Variants in REV1 observed in about 807,000 individuals in gnomAD.
REV1 encodes translesion synthesis protein REV1.
A neutral mutation model predicts 137.4 loss-of-function variants in REV1; 42 were observed. That is an observed-to-expected ratio of 0.31 (90% CI 0.24 to 0.40). REV1 has a LOEUF of 0.40. Among genes scored for constraint, REV1 ranks in the 10% least tolerant of loss-of-function variants. REV1 has a pLI of 1.00. For synonymous variants in REV1, 524 were observed against 519.2 expected (o/e 1.01, Z -0.12); for missense variants, 1,282 against 1,490.1 (o/e 0.86, Z 2.30).
Position 99,402,270 on chromosome 2 carries a change from C to G in REV1, c.3618G>C (p.Leu1206=). ...DLIEEKDLEK[L]DLVIKYMKRL... is the part of the protein sequence containing the mutation. The stretch of plus-strand genomic sequence containing the variant: ...TTTTCATGTATTTTATAACTAGATC[C>G]AGTTTTTCCAAATCTTTTTCTTCTA... Residue 1206 remains leucine (L), a synonymous_variant, in exon 22 of 23, where the codon CTG becomes CTC. Transcript: ENST00000258428. 1 of 1,428,710 alleles carries G rather than the reference C, an allele frequency of 7.0e-7. No individual in the cohort carries two copies. The highest frequency in any genetic ancestry group is 1.4e-5 in the African/African-American group (1 of 70,412). 88.5% of individuals were successfully genotyped at this position (1,428,710 alleles called of 1,614,324 possible). A position where few individuals can be genotyped will look rare whatever the true frequency, so the allele number is the denominator to read the frequency against.
chr2:99,434,120 A>C (rs1286752044), intron 8 of REV1, among the ~76,000 whole-genome samples: 1 of 152,220 alleles, frequency 6.6e-6, no homozygotes, highest in Admixed American at 6.5e-5. Context: ...AAAGCAAATC[A>C]ATCATATCTT....
chr2:99,401,340 T>A lies in REV1; in HGVS notation c.3657A>T (p.Gln1219His). The A allele has an allele frequency of 1.2e-6, 2 of 1,612,606 alleles. No individual in the cohort carries two copies. The highest frequency in any genetic ancestry group is 1.7e-6 in the Non-Finnish European group (2 of 1,178,832). ...VIKYMKRLMQ[Q>H]SVESVWNMAF... is the part of the protein sequence containing the mutation. Reference sequence around the variant, plus strand: ...CCATATTCCAAACCGATTCCACCGATTGCTGCATCAGCCTAAAGGTGGGGA... The same window carrying A: ...CCATATTCCAAACCGATTCCACCGAATGCTGCATCAGCCTAAAGGTGGGGA... The change falls in exon 23 of 23, where the codon CAA (glutamine) becomes CAT (histidine). Residue 1219 changes from glutamine (Q) to histidine (H), a missense_variant. By Grantham distance (24) the Gln-to-His change is conservative. Around this residue, in one of 7 missense-constraint regions of REV1, gnomAD observed 43 missense variants for 79.1 expected, o/e 0.54. Transcript: ENST00000258428.
At chr2:99,433,005 C>A (rs531995810) in intron 8 of REV1, among the ~76,000 whole-genome samples, 1 of 152,292 alleles carries the variant, frequency 6.6e-6, no homozygotes, top group East Asian at 1.9e-4. Flanking sequence ...CAGAGAGACT[C>A]TGAGCACTGA....
In REV1 at chr2:99,406,021, G is replaced by GA. The variant is rs751337675; in HGVS notation, c.2699_2700insT (p.Ser901GlnfsTer3). On this transcript the variant is annotated frameshift_variant, in exon 17 of 23. Transcript: ENST00000258428. LOFTEE classifies it high-confidence loss of function. ...ACTCAGCCTTGTTAGTATCAGGACT[G>GA]GTCGGCAGATGTGCAGGAAAAGGTG... 8 of 1,613,876 alleles carry GA rather than the reference G, an allele frequency of 5.0e-6. No individual in the cohort carries two copies. The East Asian group carries it at 1.8e-4, about 36-fold the overall frequency.
At chr2:99,470,807 C>G (rs1038474368) in intron 1 of REV1, among the ~76,000 whole-genome samples, 4 of 152,294 alleles carry the variant, frequency 2.6e-5, no homozygotes, top group African/African-American at 9.6e-5. Context: ...ATAAATGACC[C>G]GGTCTCCTTT....
intron 19 of REV1, 187 bp downstream of exon 19, chr2:99,403,508 C>T: frequency 1.3e-6 from 1 of 765,756 alleles, no homozygotes; most frequent in Non-Finnish European, 2.0e-6. Context: ...CCTGAAAGTA[C>T]AGACACAAAT....
rs28382971 is a variant in REV1 at position 99,402,967 on chromosome 2, C to T, written c.3306G>A (p.Leu1102=). 218 of 1,614,212 alleles carry T rather than the reference C, an allele frequency of 1.4e-4. 1 individual carries two copies. Among genetic ancestry groups the T allele is most frequent in the Non-Finnish European group, 1.8e-4 (207 of 1,180,034 alleles). ...NKLLNSPAKT[L]PGACGSPQKL... ...TCTGGGGACTGCCACAGGCCCCTGG[C>T]AGAGTTTTTGCAGGACTGTTAAGCA... Residue 1102 remains leucine (L), a synonymous_variant, in exon 20 of 23, where the codon CTG becomes CTA. Coordinates refer to ENST00000258428, the MANE Select transcript of REV1 (RefSeq NM_016316.4).
Position 99,435,817 on chromosome 2 carries a change from TAAGC to T in REV1, c.1321+13_1321+16del. On this transcript the variant is annotated intron_variant, in intron 7 of 22. Transcript: ENST00000258428. ...ACAATATATCAGTTTTCTTAAAACA[TAAGC>T]AAGAATACAGACCTTTGAGATCTGG... 1 of 1,280,642 alleles carries T rather than the reference TAAGC, an allele frequency of 7.8e-7. No homozygotes were observed. Among genetic ancestry groups the T allele is most frequent in the Non-Finnish European group, 1.1e-6 (1 of 904,050 alleles). 79.3% of individuals were successfully genotyped at this position (1,280,642 alleles called of 1,614,324 possible).
Position 99,439,152 on chromosome 2 carries a change from C to T in REV1, c.662G>A (p.Ser221Asn), listed in dbSNP as rs144371025. The change falls in exon 6 of 23, where the codon AGC (serine) becomes AAC (asparagine). Residue 221 changes from serine (S) to asparagine (N), a missense_variant. By Grantham distance (46) the Ser-to-Asn change is conservative. This residue lies in a region of REV1 where 432 missense variants were observed against 438.0 expected (regional missense o/e 0.99). Coordinates refer to ENST00000258428, the MANE Select transcript of REV1 (RefSeq NM_016316.4). ...AGTGTGTCCATTAAAAATGGCAGTG[C>T]TCCCTCTGGGATGCGGAATTCCATT... Reference protein sequence around the residue: ...KQNGIPHPRGSTAIFNGHTPS... With the variant: ...KQNGIPHPRGNTAIFNGHTPS... 80 of 1,614,046 alleles carry T rather than the reference C, an allele frequency of 5.0e-5. No individual in the cohort carries two copies. In the African/African-American group the frequency reaches 1.0e-3, roughly 21 times the overall value.
At chr2:99,447,673 T>C (rs568260396) in intron 4 of REV1, among the ~76,000 whole-genome samples, 1 of 152,250 alleles carries the variant, frequency 6.6e-6, no homozygotes, top group East Asian at 1.9e-4. Context: ...ATATTAGCCT[T>C]CTTTCACAAA....
chr2:99,470,412 T>C (rs1440656252), intron 1 of REV1, among the ~76,000 whole-genome samples: 1 of 152,236 alleles, frequency 6.6e-6, no homozygotes, highest in African/African-American at 2.4e-5. Flanking sequence ...CCCGTGTAAT[T>C]AGGAATAAAT....
At chr2:99,424,088 T>C (rs1385108593) in intron 10 of REV1, 64 bp downstream of exon 10, 1 of 1,513,658 alleles carries the variant, frequency 6.6e-7, no homozygotes, top group East Asian at 2.4e-5. Flanking sequence ...AAACTTGAAC[T>C]GTCTTTACTA....
intron 9 of REV1, among the ~76,000 whole-genome samples, chr2:99,429,102 T>C (rs1014090827): frequency 1.3e-5 from 2 of 152,032 alleles, no homozygotes; most frequent in Admixed American, 6.5e-5. Flanking sequence ...CTGTGTGATA[T>C]AGGTAAAAAT....
chr2:99,468,964 C>T (rs189976437), intron 1 of REV1, among the ~76,000 whole-genome samples: 1 of 152,270 alleles, frequency 6.6e-6, no homozygotes, highest in Admixed American at 6.5e-5. Context: ...ATAATGATAA[C>T]AGTAGACTAG....
chr2:99,451,128 G>C (rs1468659843), intron 3 of REV1, among the ~76,000 whole-genome samples: 1 of 152,122 alleles, frequency 6.6e-6, no homozygotes, highest in African/African-American at 2.4e-5. Context: ...ATAACAGTGA[G>C]AAGTATCAAA....
At chr2:99,448,961 A>T (rs1176517400) in intron 4 of REV1, among the ~76,000 whole-genome samples, 2 of 152,196 alleles carry the variant, frequency 1.3e-5, no homozygotes, top group Non-Finnish European at 2.9e-5. Flanking sequence ...CACCCTGTCA[A>T]TCAGGAGGCA....
chr2:99,413,284 G>C (rs1337039187), intron 12 of REV1, among the ~76,000 whole-genome samples: 2 of 152,090 alleles, frequency 1.3e-5, no homozygotes, highest in African/African-American at 4.8e-5. Flanking sequence ...ATCAACTAAG[G>C]AATCAACTGT....
At chr2:99,424,679 C>A in intron 9 of REV1, 1 of 1,119,552 alleles carries the variant, frequency 8.9e-7, no homozygotes, top group South Asian at 1.5e-5. Flanking sequence ...ACAGTTTGGC[C>A]AGGGTTCATC....
At chr2:99,479,055 C>T (rs1686289545) in intron 1 of REV1, among the ~76,000 whole-genome samples, 1 of 152,092 alleles carries the variant, frequency 6.6e-6, no homozygotes, top group Admixed American at 6.5e-5. Flanking sequence ...ACAGGCTGGG[C>T]ACAGTTGCTC....
Sources: gnomAD v4.1 joint callset for allele counts (sites outside exome capture counted in the v4.1 genomes callset) on GRCh38, gnomAD v4.1.1 for gene constraint, gnomAD v4.1.1 regional missense constraint, MANE v1.5 for transcripts, NCBI Gene and HGNC (gene_info 2026-07-23, HGNC 2026-07-21) for gene names.